PTPRD: variants seen among roughly 807,000 people sequenced by gnomAD.
PTPRD encodes the protein receptor-type tyrosine-protein phosphatase delta.
A neutral mutation model predicts 214.5 loss-of-function variants in PTPRD; 34 were observed. The ratio of observed to expected loss-of-function variants is 0.16; its 90% CI spans 0.12 to 0.21. PTPRD has a LOEUF of 0.21. Ranked by LOEUF, PTPRD falls within the 10% of genes least tolerant of loss-of-function variation. PTPRD has a pLI of 1.00. For missense variants in PTPRD, 2,545 were observed against 2,398.7 expected (o/e 1.06, Z -1.27); for synonymous variants, 1,128 against 845.7 (o/e 1.33, Z -5.79).
At position 8,617,170 on chromosome 9, in the gene PTPRD, G is replaced by C. The variant is rs1038181948; in HGVS notation, c.352+16147C>G. Among the ~76,000 whole-genome samples the C allele has an allele frequency of 8.5e-5, 13 of 152,178 alleles. No homozygotes were observed. The East Asian group carries it at 1.7e-3, about 20-fold the overall frequency. On this transcript the variant is annotated intron_variant, in intron 14 of 45. Coordinates refer to ENST00000381196, the MANE Select transcript of PTPRD (RefSeq NM_002839.4). ...AGTTCATGAACCTTGGATGGGTCAA[G>C]GGATGTGAAGTAAATCAATGAGTAA...
At chr9:10,144,973 G>A (rs1420783985) in intron 3 of PTPRD, among the ~76,000 whole-genome samples, 1 of 151,070 alleles carries the variant, frequency 6.6e-6, no homozygotes, top group African/African-American at 2.4e-5. Context: ...CCCACCTCTG[G>A]AAAAACTGAA....
At chr9:8,481,905 C>T (rs909103680) in intron 30 of PTPRD, among the ~76,000 whole-genome samples, 18 of 152,176 alleles carry the variant, frequency 1.2e-4, no homozygotes, top group African/African-American at 4.3e-4. Context: ...GCCTCAGTCT[C>T]CTGAGTAGCT....
chr9:8,350,143 G>A (rs1490078628), intron 39 of PTPRD, among the ~76,000 whole-genome samples: 1 of 152,114 alleles, frequency 6.6e-6, no homozygotes, highest in African/African-American at 2.4e-5. Flanking sequence ...GTCCCGTGAT[G>A]TGATACAGTA....
At chr9:10,527,374 G>A (rs1458934612) in intron 2 of PTPRD, among the ~76,000 whole-genome samples, 2 of 152,122 alleles carry the variant, frequency 1.3e-5, no homozygotes, top group African/African-American at 4.8e-5. Flanking sequence ...ACACACCTGG[G>A]AGGTCTGTTT....
At chr9:10,392,155 T>G (rs145364377) in intron 2 of PTPRD, among the ~76,000 whole-genome samples, 40 of 152,008 alleles carry the variant, frequency 2.6e-4, no homozygotes, top group Non-Finnish European at 4.4e-4. Context: ...CAGAACTACA[T>G]CTGGCCACAG....
chr9:9,871,715 C>T (rs538474432), intron 5 of PTPRD, among the ~76,000 whole-genome samples: 1 of 151,254 alleles, frequency 6.6e-6, no homozygotes, highest in Non-Finnish European at 1.5e-5. Flanking sequence ...GCAACCTAAC[C>T]TCTTTGGACC....
chr9:9,038,388 C>G (rs2099628623), intron 10 of PTPRD, among the ~76,000 whole-genome samples: 2 of 152,038 alleles, frequency 1.3e-5, no homozygotes, highest in Admixed American at 1.3e-4. Flanking sequence ...CCCCACTTCG[C>G]TGTACTTCTA....
chr9:10,058,587 T>C (rs566652652), intron 3 of PTPRD, among the ~76,000 whole-genome samples: 2 of 152,238 alleles, frequency 1.3e-5, no homozygotes, highest in Admixed American at 6.5e-5. Flanking sequence ...TGCTATCAAC[T>C]GAGTCATGAG....
At chr9:8,382,085 TC>T (rs1372510332) in intron 37 of PTPRD, among the ~76,000 whole-genome samples, 26 of 152,300 alleles carry the variant, frequency 1.7e-4, no homozygotes, top group African/African-American at 6.3e-4. Flanking sequence ...TGCCTTTGAC[TC>T]CAGTGTCACC....
chr9:10,568,798 A>C (rs1419146301), intron 2 of PTPRD, among the ~76,000 whole-genome samples: 1 of 152,196 alleles, frequency 6.6e-6, no homozygotes, highest in South Asian at 2.1e-4. Flanking sequence ...CTTAAACGTT[A>C]GACCTAAAAC....
At chr9:10,213,589 G>A (rs2099526974) in intron 3 of PTPRD, among the ~76,000 whole-genome samples, 1 of 152,116 alleles carries the variant, frequency 6.6e-6, no homozygotes, top group African/African-American at 2.4e-5. Flanking sequence ...TAAAGTGTTG[G>A]AGGTTATTCA....
At chr9:9,229,703 A>G (rs2099961878) in intron 9 of PTPRD, among the ~76,000 whole-genome samples, 1 of 152,154 alleles carries the variant, frequency 6.6e-6, no homozygotes, top group African/African-American at 2.4e-5. Context: ...TGACAAAAAA[A>G]TACATTTGTG....
intron 7 of PTPRD, among the ~76,000 whole-genome samples, chr9:9,722,553 A>G (rs1438620276): frequency 6.6e-6 from 1 of 152,060 alleles, no homozygotes; most frequent in African/African-American, 2.4e-5. Flanking sequence ...TTATATAGAC[A>G]TATATTTTCA....
chr9:9,878,470 T>C (rs2067573419), intron 5 of PTPRD, among the ~76,000 whole-genome samples: 1 of 152,110 alleles, frequency 6.6e-6, no homozygotes, highest in East Asian at 1.9e-4. Flanking sequence ...AAGTGAAGAC[T>C]TAAAGGATGA....
At chr9:8,770,089 T>G (rs1160501337) in intron 11 of PTPRD, among the ~76,000 whole-genome samples, 2 of 152,098 alleles carry the variant, frequency 1.3e-5, no homozygotes, top group African/African-American at 4.8e-5. Flanking sequence ...AAGACCAGCC[T>G]GACCAACATA....
rs187872471 is a variant in PTPRD, at chr9:9,097,471, C to G, written c.-142-78736G>C. 9.4e-3 allele frequency among the ~76,000 whole-genome samples: 1,420 copies of G among 151,416 alleles called. 9 individuals are homozygous for G. The highest frequency in any genetic ancestry group is 0.015 in the Non-Finnish European group (1,000 of 67,896). On this transcript the variant is annotated intron_variant, in intron 10 of 45. Coordinates refer to ENST00000381196, the MANE Select transcript of PTPRD (RefSeq NM_002839.4). ...TCACCCAGGCTGGAATGCAGTGGCG[C>G]AATCTCAGCTCACTGCAAGCTCTGC...
chr9:8,500,808 C>G lies in PTPRD; in HGVS notation c.2074G>C (p.Asp692His), dbSNP rs376837190. Residue 692 changes from aspartate to histidine, a missense_variant, in exon 24 of 46, where the codon GAT becomes CAT. By Grantham distance (81) the Asp-to-His change is moderately conservative (BLOSUM62 -1). Transcript: ENST00000381196. ...EYRITVTAHTDVGPGPESLSV... is the reference protein window; with the variant it reads ...EYRITVTAHTHVGPGPESLSV... ...AAGCTCTCAGGGCCAGGGCCGACAT[C>G]TGTATGGGCTGTCACAGTGATCCGG... The G allele has an allele frequency of 1.2e-6, 2 of 1,614,028 alleles. No individual in the cohort carries two copies. Among genetic ancestry groups the G allele is most frequent in the East Asian group, 2.2e-5 (1 of 44,872 alleles).
chr9:9,840,761 CAAAAAAAAAAAAAAAAAAAAAAA>C (rs59780411), intron 5 of PTPRD, among the ~76,000 whole-genome samples: 12 of 61,622 alleles, frequency 1.9e-4, no homozygotes, highest in South Asian at 7.7e-4. Flanking sequence ...GACTCCGTTT[CAAAAAAAAAAAAAAAAAAAAAAA>C]AAAAAAAAAA....
intron 3 of PTPRD, among the ~76,000 whole-genome samples, chr9:10,193,025 T>C (rs1397184048): frequency 6.6e-6 from 1 of 152,154 alleles, no homozygotes; most frequent in Non-Finnish European, 1.5e-5. Context: ...CAAATTTCCC[T>C]TATTACAGTA....
Sources: gnomAD v4.1 joint callset for allele counts (sites outside exome capture counted in the v4.1 genomes callset) on GRCh38, gnomAD v4.1.1 for gene constraint, MANE v1.5 for transcripts, NCBI Gene and HGNC (gene_info 2026-07-23, HGNC 2026-07-21) for gene names.